Variants in MAMDC2 observed in about 807,000 individuals in gnomAD.
The protein encoded by MAMDC2 is MAM domain containing 2.
A neutral mutation model predicts 89.8 loss-of-function variants in MAMDC2; 57 were observed. That is an observed-to-expected ratio of 0.63 (90% confidence interval 0.51 to 0.79). MAMDC2 has a LOEUF of 0.79. Among genes scored for constraint, MAMDC2 ranks in the 30% least tolerant of loss-of-function variants. The pLI, the probability that MAMDC2 is intolerant of heterozygous loss-of-function variation, is 0.00. For synonymous variants in MAMDC2, 313 were observed against 293.4 expected (o/e 1.07, Z -0.68); for missense variants, 800 against 820.6 (o/e 0.97, Z 0.31).
chr9:70,208,518 T>C (rs7023586), intron 11 of MAMDC2, among the ~76,000 whole-genome samples: 4 of 152,162 alleles, frequency 2.6e-5, no homozygotes, highest in African/African-American at 9.7e-5. Flanking sequence ...GCTTATCAGC[T>C]TAAGGATATT....
intron 5 of MAMDC2, among the ~76,000 whole-genome samples, chr9:70,118,177 T>C (rs2030094849): frequency 6.6e-6 from 1 of 152,094 alleles, no homozygotes; most frequent in South Asian, 2.1e-4. Context: ...GCTACATTCC[T>C]ACTTATGATT....
intron 2 of MAMDC2, among the ~76,000 whole-genome samples, chr9:70,096,801 G>T (rs1828039530): frequency 6.6e-6 from 1 of 152,036 alleles, no homozygotes; most frequent in African/African-American, 2.4e-5. Context: ...TAGAGGAGTA[G>T]CAGATAGAAG....
intron 11 of MAMDC2, among the ~76,000 whole-genome samples, chr9:70,209,017 G>T (rs544597385): frequency 6.6e-6 from 1 of 152,282 alleles, no homozygotes; most frequent in Non-Finnish European, 1.5e-5. Context: ...TTGATGTGCT[G>T]CTGGATTCGG....
chr9:70,099,252 C>T (rs893633122), intron 2 of MAMDC2, among the ~76,000 whole-genome samples: 5 of 152,144 alleles, frequency 3.3e-5, no homozygotes, highest in African/African-American at 1.2e-4. Flanking sequence ...AATCATTTTA[C>T]ATTTAAGGAG....
At chr9:70,115,964 G>A (rs188482915) in intron 5 of MAMDC2, among the ~76,000 whole-genome samples, 5 of 152,298 alleles carry the variant, frequency 3.3e-5, no homozygotes, top group South Asian at 2.1e-4. Context: ...CTAGTTTTGC[G>A]ATTGTTTTTC....
intron 2 of MAMDC2, among the ~76,000 whole-genome samples, chr9:70,101,501 AT>A (rs1165566876): frequency 6.6e-6 from 1 of 152,150 alleles, no homozygotes; most frequent in Non-Finnish European, 1.5e-5. Flanking sequence ...TTAGTGCCCT[AT>A]ACAGATGTAC....
chr9:70,181,404 T>C lies in MAMDC2; in HGVS notation c.1651+10773T>C, dbSNP rs745352918. 4.1e-4 allele frequency among the ~76,000 whole-genome samples: 63 copies of C among 152,328 alleles called. 1 individual carries two copies. Among genetic ancestry groups the C allele is most frequent in the Middle Eastern group, 6.8e-3 (2 of 294 alleles). ...TTCTGTGAAGAACGTCAATGGTAGCTTGATGGGAATAGCATTGAATCTATA... is the reference window on the plus strand; with the variant it reads ...TTCTGTGAAGAACGTCAATGGTAGCCTGATGGGAATAGCATTGAATCTATA... On this transcript the variant is annotated intron_variant, in intron 11 of 13. Coordinates refer to ENST00000377182, the MANE Select transcript of MAMDC2 (RefSeq NM_153267.5).
chr9:70,130,322 T>A (rs60895367), intron 6 of MAMDC2, among the ~76,000 whole-genome samples: 2,297 of 152,000 alleles, frequency 0.015, 49 homozygotes, highest in African/African-American at 0.052. Flanking sequence ...TTAGACAGGG[T>A]TTCTGTCTCT....
intron 2 of MAMDC2, among the ~76,000 whole-genome samples, chr9:70,080,721 C>T (rs3015178): frequency 0.013 from 2,047 of 152,260 alleles, 44 homozygotes; most frequent in African/African-American, 0.047. Flanking sequence ...TCCTAAACCA[C>T]GTCTTGTGGC....
chr9:70,094,368 T>C (rs535028196), intron 2 of MAMDC2, among the ~76,000 whole-genome samples: 1 of 152,306 alleles, frequency 6.6e-6, no homozygotes, highest in South Asian at 2.1e-4. Context: ...CACTGAAACA[T>C]TTTCTAAATG....
chr9:70,044,435 G>C (rs1826686918), intron 1 of MAMDC2, 149 bp from the exon 2 acceptor site: 1 of 799,984 alleles, frequency 1.3e-6, no homozygotes, highest in South Asian at 1.8e-5. Context: ...AGGCGCCCGG[G>C]GATGCTGGGG....
intron 11 of MAMDC2, among the ~76,000 whole-genome samples, chr9:70,186,342 T>C (rs944070883): frequency 1.4e-4 from 3 of 22,214 alleles, no homozygotes; most frequent in Non-Finnish European, 2.4e-4. Flanking sequence ...GGTGCATGTC[T>C]GCTGCTGATT....
At chr9:70,208,872 G>C (rs1230331237) in intron 11 of MAMDC2, among the ~76,000 whole-genome samples, 1 of 152,164 alleles carries the variant, frequency 6.6e-6, no homozygotes, top group South Asian at 2.1e-4. Flanking sequence ...GGCCTTTTCT[G>C]TGTCTATTGA....
At chr9:70,063,265 A>C (rs1426541258) in intron 2 of MAMDC2, 1 of 152,240 alleles carries the variant, frequency 6.6e-6, no homozygotes, top group African/African-American at 2.4e-5. Context: ...AAGAAAAAAA[A>C]TAAATAGGCA....
At chr9:70,143,392 A>T (rs1421571074) in intron 8 of MAMDC2, among the ~76,000 whole-genome samples, 162 bp from the exon 9 acceptor site, 1 of 152,222 alleles carries the variant, frequency 6.6e-6, no homozygotes, top group Admixed American at 6.5e-5. Context: ...AGGCACATGG[A>T]TATTTTCTGT....
At chr9:70,190,159 C>T (rs1366028519) in intron 11 of MAMDC2, among the ~76,000 whole-genome samples, 1 of 152,050 alleles carries the variant, frequency 6.6e-6, no homozygotes, top group Non-Finnish European at 1.5e-5. Flanking sequence ...CTTTGTGTGT[C>T]TCATAATTTT....
At chr9:70,190,374 T>C (rs2032853295) in intron 11 of MAMDC2, among the ~76,000 whole-genome samples, 1 of 152,168 alleles carries the variant, frequency 6.6e-6, no homozygotes, top group African/African-American at 2.4e-5. Flanking sequence ...AACTAATTAT[T>C]GAACAGAGAT....
chr9:70,155,166 T>C (rs1563978204), intron 9 of MAMDC2, among the ~76,000 whole-genome samples: 2 of 152,102 alleles, frequency 1.3e-5, no homozygotes, highest in Non-Finnish European at 2.9e-5. Flanking sequence ...ATCTCCACTG[T>C]CCCCTCCATT....
At chr9:70,056,980 C>G (rs1827038378) in intron 2 of MAMDC2, among the ~76,000 whole-genome samples, 1 of 152,198 alleles carries the variant, frequency 6.6e-6, no homozygotes, top group Admixed American at 6.5e-5. Flanking sequence ...TGCAGAAAAA[C>G]AAGCTCAGGG....
Sources: allele counts gnomAD v4.1 joint callset (sites outside exome capture counted in the v4.1 genomes callset), GRCh38; gene constraint gnomAD v4.1.1; transcripts MANE v1.5; gene names NCBI Gene and HGNC (gene_info 2026-07-23, HGNC 2026-07-21).